Variants in RECQL5 observed in about 807,000 individuals in gnomAD.
RECQL5 encodes RecQ like helicase 5, also known as ATP-dependent DNA helicase Q5.
A neutral mutation model predicts 103.4 loss-of-function variants in RECQL5; 88 were observed. The ratio of observed to expected loss-of-function variants is 0.85; its 90% confidence interval spans 0.72 to 1.02. The LOEUF is 1.02. RECQL5 is among the 50% of genes least tolerant of loss of function. The probability of loss-of-function intolerance (pLI) is 0.00; values close to 1 mark genes in which losing one functional copy is unlikely to be tolerated. For synonymous variants in RECQL5, 552 were observed against 507.9 expected (o/e 1.09, Z -1.17); for missense variants, 1,232 against 1,284.3 (o/e 0.96, Z 0.62).
At chr17:75,643,804 G>T (rs1023747238) in intron 8 of RECQL5, among the ~76,000 whole-genome samples, 1 of 152,202 alleles carries the variant, frequency 6.6e-6, no homozygotes, top group Non-Finnish European at 1.5e-5. Context: ...TGCCATCCTG[G>T]ACCATGCCAC....
intron 8 of RECQL5, chr17:75,639,607 G>A (rs1482390922): frequency 1.3e-5 from 2 of 152,486 alleles, no homozygotes; most frequent in Non-Finnish European, 2.9e-5. Flanking sequence ...ACACGGTGCG[G>A]CCTCCCCCTC....
chr17:75,651,235 C>T lies in RECQL5; in HGVS notation c.1180G>A (p.Ala394Thr). 1.2e-6 allele frequency: 2 copies of T among 1,614,208 alleles called. No homozygotes were observed. The highest frequency in any genetic ancestry group is 1.7e-6 in the Non-Finnish European group (2 of 1,180,042). The change falls in exon 8 of 20, where the codon GCC becomes ACC. Residue 394 changes from alanine to threonine, a missense_variant. Coordinates refer to ENST00000317905, the MANE Select transcript of RECQL5 (RefSeq NM_004259.7). ...EKRGNKASDKATIMAFDALVT... is the reference protein window; with the variant it reads ...EKRGNKASDKTTIMAFDALVT... ...AGGGCATCAAAGGCCATGATAGTGG[C>T]TTTATCAGATGCTTTGTTTCCTCTC...
Position 75,629,765 on chromosome 17 carries a change from T to TTGGGCACTGCAGCTC in RECQL5, c.1875_1889dup (p.Ser626_Gln630dup). On this transcript the variant is annotated inframe_insertion, in exon 15 of 20. Transcript: ENST00000317905. ...ACTCATTGGGCTCCGGGGGCTCAGCTTGGGCACTGCAGCTCTTGGCACTGC... is the reference window on the plus strand; with the variant it reads ...ACTCATTGGGCTCCGGGGGCTCAGCTTGGGCACTGCAGCTCTGGGCACTGCAGCTCTTGGCACTGC... 6.2e-7 allele frequency: 1 copy of TTGGGCACTGCAGCTC among 1,613,648 alleles called. No homozygotes were observed. The highest frequency in any genetic ancestry group is 8.5e-7 in the Non-Finnish European group (1 of 1,179,810).
At chr17:75,633,850 G>A (rs947156364) in intron 8 of RECQL5, 21 of 996,754 alleles carry the variant, frequency 2.1e-5, no homozygotes, top group South Asian at 1.3e-4. Flanking sequence ...CCCAGCCCAC[G>A]GCGTGGGAGT....
rs373599630 is a variant in RECQL5 at position 75,628,242 on chromosome 17, G to A, written c.2781C>T (p.Tyr927=). The A allele has an allele frequency of 3.7e-6, 6 of 1,614,026 alleles. No individual in the cohort carries two copies. The highest frequency in any genetic ancestry group is 4.2e-6 in the Non-Finnish European group (5 of 1,180,026). ...NVVVKCLTPF[Y]KEGKFASKEL... ...CCTTGGAAGCAAACTTGCCCTCCTT[G>A]TAGAAAGGGGTGAGGCACTTGACCA... Residue 927 remains tyrosine (Y), a synonymous_variant, in exon 18 of 20, where the codon TAC becomes TAT. Transcript: ENST00000317905.
intron 5 of RECQL5, 90 bp from the exon 6 acceptor site, chr17:75,661,156 A>T (rs996123224): frequency 1.1e-6 from 1 of 926,434 alleles, no homozygotes; most frequent in African/African-American, 1.6e-5. Flanking sequence ...TGTGCTAGGC[A>T]CTTCACAAAC....
chr17:75,656,130 A>G (rs2059616355), intron 7 of RECQL5, among the ~76,000 whole-genome samples: 1 of 152,188 alleles, frequency 6.6e-6, no homozygotes, highest in Admixed American at 6.5e-5. Context: ...GCTGGAATGC[A>G]ATGGCGCGAT....
chr17:75,628,220 T>C lies in RECQL5; in HGVS notation c.2803A>G (p.Lys935Glu). The stretch of plus-strand genomic sequence containing the variant: ...CAGAGCCCACTCACTCCCCCTACCT[T>C]GGAAGCAAACTTGCCCTCCTTGTAG... ...PFYKEGKFAS[K>E]ELFKGFARHL... The change falls in exon 18 of 20, where the codon AAG (lysine) becomes GAG (glutamate). Residue 935 changes from lysine to glutamate, a missense_variant and splice_region_variant. Transcript: ENST00000317905. The C allele has an allele frequency of 6.2e-7, 1 of 1,613,796 alleles. No individual in the cohort carries two copies.
chr17:75,645,716 T>C (rs1048793020), intron 8 of RECQL5, among the ~76,000 whole-genome samples: 1 of 152,168 alleles, frequency 6.6e-6, no homozygotes, highest in African/African-American at 2.4e-5. Context: ...GTGACGCCCA[T>C]GATAGTTAAG....
chr17:75,650,489 T>C (rs1236704383), intron 8 of RECQL5: 1 of 1,396,530 alleles, frequency 7.2e-7, no homozygotes, highest in Non-Finnish European at 9.4e-7. Context: ...TTCGTGACTG[T>C]GACCTCTCTG....
At chr17:75,630,361 T>A (rs1466229150) in intron 13 of RECQL5, 84 bp from the exon 14 acceptor site, 24 of 1,260,018 alleles carry the variant, frequency 1.9e-5, no homozygotes, top group Non-Finnish European at 2.5e-5. Flanking sequence ...CCAGGCCTGG[T>A]GGGGTAGGCC....
At chr17:75,656,311 C>G (rs1283245325) in intron 7 of RECQL5, among the ~76,000 whole-genome samples, 1 of 152,094 alleles carries the variant, frequency 6.6e-6, no homozygotes, top group Non-Finnish European at 1.5e-5. Context: ...CTCCCGACCT[C>G]AGGTGATCTG....
chr17:75,664,635 G>T (rs558617465), intron 3 of RECQL5, among the ~76,000 whole-genome samples: 1 of 152,202 alleles, frequency 6.6e-6, no homozygotes, highest in South Asian at 2.1e-4. Flanking sequence ...AGGCAGGGGC[G>T]GGTGTGGTGG....
chr17:75,650,768 C>T (rs892430923), intron 8 of RECQL5: 11 of 1,586,160 alleles, frequency 6.9e-6, no homozygotes, highest in East Asian at 2.3e-5. Context: ...CATGACTCCC[C>T]GAGGTAAGTG....
intron 8 of RECQL5, chr17:75,634,337 G>T: frequency 1.2e-6 from 1 of 854,438 alleles, no homozygotes; most frequent in Non-Finnish European, 1.4e-6. Context: ...CTTCCCTGCA[G>T]GGAAGTCAGC....
At chr17:75,631,355 G>A (rs1423431614) in intron 9 of RECQL5, 95 bp downstream of exon 9, 3 of 1,525,476 alleles carry the variant, frequency 2.0e-6, no homozygotes, top group African/African-American at 1.4e-5. Flanking sequence ...CTCAAGGGGG[G>A]ATTGCGGCAT....
Position 75,628,271 on chromosome 17 carries a change from C to T in RECQL5, c.2752G>A (p.Val918Ile), listed in dbSNP as rs1191928659. The T allele has an allele frequency of 1.2e-6, 2 of 1,614,092 alleles. No individual in the cohort carries two copies. Among genetic ancestry groups the T allele is most frequent in the Admixed American group, 1.7e-5 (1 of 60,010 alleles). The change falls in exon 18 of 20, where the codon GTT becomes ATT. Residue 918 changes from valine (V) to isoleucine (I), a missense_variant. By Grantham distance (29) the Val-to-Ile change is conservative. Coordinates refer to ENST00000317905, the MANE Select transcript of RECQL5 (RefSeq NM_004259.7). ...PGVSLKEAAN[V>I]VVKCLTPFYK... is the part of the protein sequence containing the mutation. ...AAAGGGGTGAGGCACTTGACCACAA[C>T]ATTTGCAGCCTCCTTCAAGGAGACG...
At chr17:75,659,568 G>A (rs1270453652) in intron 6 of RECQL5, among the ~76,000 whole-genome samples, 2 of 152,034 alleles carry the variant, frequency 1.3e-5, no homozygotes, top group African/African-American at 2.4e-5. Flanking sequence ...TGCCCAGGCT[G>A]GTCTCGAACT....
chr17:75,654,560 T>A (rs2059593751), intron 7 of RECQL5, among the ~76,000 whole-genome samples: 1 of 152,212 alleles, frequency 6.6e-6, no homozygotes, highest in Admixed American at 6.5e-5. Context: ...ACCTTTGTTA[T>A]CTGAAGATGT....
Sources: gnomAD v4.1 joint callset for allele counts (sites outside exome capture counted in the v4.1 genomes callset) on GRCh38, gnomAD v4.1.1 for gene constraint, MANE v1.5 for transcripts, NCBI Gene and HGNC (gene_info 2026-07-23, HGNC 2026-07-21) for gene names.